POGLUT1: variants seen among roughly 807,000 people sequenced by gnomAD.
POGLUT1 encodes the protein protein O-glucosyltransferase 1, also known as 9630046K23Rik.
In POGLUT1, 32 loss-of-function variants were observed where a neutral mutation model predicts 61.3. The observed-to-expected ratio is 0.52, with a 90% CI of 0.39 to 0.70. The LOEUF is 0.70. Ranked by LOEUF, POGLUT1 falls within the 30% of genes least tolerant of loss-of-function variation. POGLUT1 has a pLI of 0.00. For missense variants in POGLUT1, 411 were observed against 469.8 expected (o/e 0.87, Z 1.16); for synonymous variants, 158 against 158.2 (o/e 1.00, Z 0.01).
At chr3:119,480,601 T>C (rs1241872976) in intron 5 of POGLUT1, among the ~76,000 whole-genome samples, 1 of 152,086 alleles carries the variant, frequency 6.6e-6, no homozygotes, top group Non-Finnish European at 1.5e-5. Context: ...CAGAAAACTG[T>C]AGTGTAAACA....
In POGLUT1 at chr3:119,493,952, C is replaced by A. The variant is rs1461234373; in HGVS notation, c.*1514C>A. Reference sequence around the variant, plus strand: ...ACTGTGAGGCCCTACTAGGTGTAAGCATTCTCTCTGAATTTTAATTTCCTC... The same window carrying A: ...ACTGTGAGGCCCTACTAGGTGTAAGAATTCTCTCTGAATTTTAATTTCCTC... On this transcript the variant is annotated 3_prime_UTR_variant, in exon 11 of 11. Transcript: ENST00000295588. The A allele has an allele frequency of 6.6e-6, 1 of 151,990 alleles. No individual in the cohort carries two copies. The highest frequency in any genetic ancestry group is 1.5e-5 in the Non-Finnish European group (1 of 67,996). The allele number at this position is 151,990 out of a possible 1,614,324, so 9.4% of individuals were successfully genotyped here. A position where few individuals can be genotyped will look rare whatever the true frequency, so the allele number is the denominator to read the frequency against.
chr3:119,482,417 C>T (rs2081615646), intron 5 of POGLUT1, among the ~76,000 whole-genome samples: 1 of 151,940 alleles, frequency 6.6e-6, no homozygotes. Flanking sequence ...TTTTAAAAGG[C>T]AGGATCTCAC....
intron 10 of POGLUT1, among the ~76,000 whole-genome samples, 175 bp downstream of exon 10, chr3:119,491,749 T>G (rs2081748752): frequency 6.6e-6 from 1 of 152,184 alleles, no homozygotes; most frequent in African/African-American, 2.4e-5. Flanking sequence ...TGTCTACATA[T>G]GCTTGTTTTA....
rs1398138402 is a variant in POGLUT1 at position 119,480,056 on chromosome 3, A to C, written c.462A>C (p.Ser154=). The C allele has an allele frequency of 6.2e-7, 1 of 1,613,752 alleles. No individual in the cohort carries two copies. The highest frequency in any genetic ancestry group is 1.1e-5 in the South Asian group (1 of 91,032). Residue 154 remains serine (S), a synonymous_variant, in exon 5 of 11, where the codon TCA becomes TCC. Coordinates refer to ENST00000295588, the MANE Select transcript of POGLUT1 (RefSeq NM_152305.3). The part of the protein sequence containing the change: ...AIPVFSFSKT[S]EYHDIMYPAW... ...CCTGTCTGTTTTTGTTGAAGACATC[A>C]GAGTACCATGATATCATGTATCCTG...
chr3:119,480,298 G>C (rs1212493579), intron 5 of POGLUT1, 126 bp downstream of exon 5: 6 of 648,604 alleles, frequency 9.3e-6, no homozygotes, highest in Non-Finnish European at 1.4e-5. Flanking sequence ...GCCCAGGCTA[G>C]AGTGCAATGG....
chr3:119,485,199 A>G (rs913053123), intron 5 of POGLUT1, 129 bp from the exon 6 acceptor site: 1 of 562,072 alleles, frequency 1.8e-6, no homozygotes, highest in Non-Finnish European at 3.1e-6. Flanking sequence ...CCTGGACGAC[A>G]GTGCGAGACT....
At chr3:119,475,584 A>G (rs4687860) in intron 3 of POGLUT1, among the ~76,000 whole-genome samples, 112,235 of 152,010 alleles carry the variant, frequency 0.74, 41,541 homozygotes, top group East Asian at 0.86. Context: ...TGGCTGAGAC[A>G]GGCAGATCAT....
chr3:119,469,180 C>A, intron 1 of POGLUT1, 74 bp downstream of exon 1: 2 of 1,209,148 alleles, frequency 1.7e-6, no homozygotes, highest in Non-Finnish European at 2.4e-6. Context: ...CTCCCCCGCG[C>A]GGCCGGCTCC....
intron 4 of POGLUT1, 146 bp from the exon 5 acceptor site, chr3:119,479,905 C>T: frequency 6.6e-7 from 1 of 1,520,928 alleles, no homozygotes; most frequent in South Asian, 1.2e-5. Context: ...TTAATGTCTA[C>T]AGGCTAGACT....
intron 5 of POGLUT1, among the ~76,000 whole-genome samples, chr3:119,482,694 C>G (rs1441917815): frequency 1.3e-5 from 2 of 152,064 alleles, no homozygotes; most frequent in East Asian, 3.8e-4. Flanking sequence ...CATTTGTTAC[C>G]TTGAAAATTT....
intron 7 of POGLUT1, chr3:119,488,644 T>C (rs2081701818): frequency 4.2e-6 from 1 of 236,962 alleles, no homozygotes; most frequent in African/African-American, 2.2e-5. Flanking sequence ...ACATCTGAAT[T>C]CAAAGGAGGG....
At chr3:119,472,039 A>G (rs1202192064) in intron 3 of POGLUT1, among the ~76,000 whole-genome samples, 2 of 152,200 alleles carry the variant, frequency 1.3e-5, no homozygotes, top group African/African-American at 4.8e-5. Context: ...TAGTGCTGCA[A>G]ATTACACTAG....
intron 3 of POGLUT1, chr3:119,471,664 ACT>A: frequency 5.8e-6 from 3 of 518,012 alleles, no homozygotes; most frequent in Non-Finnish European, 1.0e-5. Flanking sequence ...TTGGTTCATC[ACT>A]GGTTGTACTG....
rs1178327479 is a variant in POGLUT1 at position 119,477,297 on chromosome 3, T to C, written c.321-16T>C. ...AGGCACTACTCTGCTGAATTTATGGTATGTCTGGTTGACAGGTGTAGTGGT... is the reference window on the plus strand; with the variant it reads ...AGGCACTACTCTGCTGAATTTATGGCATGTCTGGTTGACAGGTGTAGTGGT... On this transcript the variant is annotated splice_polypyrimidine_tract_variant and intron_variant, in intron 3 of 10. Coordinates refer to ENST00000295588, the MANE Select transcript of POGLUT1 (RefSeq NM_152305.3). 4.3e-6 allele frequency: 7 copies of C among 1,613,456 alleles called. No individual in the cohort carries two copies. Among genetic ancestry groups the C allele is most frequent in the Non-Finnish European group, 5.9e-6 (7 of 1,179,658 alleles).
chr3:119,480,143 G>A lies in POGLUT1; in HGVS notation c.549G>A (p.Arg183=). The change falls in exon 5 of 11, where the codon CGG becomes CGA. Residue 183 remains arginine, a synonymous_variant. Coordinates refer to ENST00000295588, the MANE Select transcript of POGLUT1 (RefSeq NM_152305.3). Reference sequence around the variant, plus strand: ...CAATTTATCCTACAGGTCTTGGACGGTGGGACCTCTTCAGAGAAGATCTGG... The same window carrying A: ...CAATTTATCCTACAGGTCTTGGACGATGGGACCTCTTCAGAGAAGATCTGG... The part of the protein sequence containing the change: ...VWPIYPTGLG[R]WDLFREDLVR... 1 of 1,605,428 alleles carries A rather than the reference G, an allele frequency of 6.2e-7. No individual in the cohort carries two copies. Among genetic ancestry groups the A allele is most frequent in the South Asian group, 1.1e-5 (1 of 89,580 alleles).
rs1179034360 is a variant in POGLUT1, at chr3:119,471,419, T to C, written c.287T>C (p.Leu96Pro). Residue 96 changes from leucine to proline, a missense_variant, in exon 3 of 11, where the codon CTG becomes CCG. Physicochemically the swap from Leu to Pro is moderately conservative, Grantham distance 98. Transcript: ENST00000295588. ...CACTATCAGATCACTAAGAACAGAC[T>C]GTACCGGGAAAATGACTGCATGTTC... Reference protein sequence around the residue: ...GTHYQITKNRLYRENDCMFPS... With the variant: ...GTHYQITKNRPYRENDCMFPS... 4 of 1,613,982 alleles carry C rather than the reference T, an allele frequency of 2.5e-6. No individual in the cohort carries two copies. The highest frequency in any genetic ancestry group is 1.7e-5 in the Admixed American group (1 of 60,004).
chr3:119,490,988 G>A (rs1416158591), intron 9 of POGLUT1, among the ~76,000 whole-genome samples: 1 of 151,826 alleles, frequency 6.6e-6, no homozygotes, highest in Non-Finnish European at 1.5e-5. Flanking sequence ...ATCTCTCCAA[G>A]ACTAAAGATA....
chr3:119,478,905 G>A (rs73187880), intron 4 of POGLUT1, among the ~76,000 whole-genome samples: 8,641 of 26,270 alleles, frequency 0.33, 783 homozygotes, highest in African/African-American at 0.46. Flanking sequence ...AAAAAAAAAA[G>A]GGGGGAACAT....
Position 119,490,713 on chromosome 3 carries a change from T to C in POGLUT1, c.960T>C (p.Asn320=). 6.2e-7 allele frequency: 1 copy of C among 1,613,612 alleles called. No homozygotes were observed. Among genetic ancestry groups the C allele is most frequent in the South Asian group, 1.1e-5 (1 of 91,072 alleles). The part of the protein sequence containing the change: ...HYIPVKTDLS[N]VQELLQFVKA... ...TCCCAGTCAAAACAGATCTCTCCAATGTCCAGTAAGCAGTTATCCCCCAAT... is the reference window on the plus strand; with the variant it reads ...TCCCAGTCAAAACAGATCTCTCCAACGTCCAGTAAGCAGTTATCCCCCAAT... Residue 320 remains asparagine, a synonymous_variant, in exon 9 of 11, where the codon AAT becomes AAC. Transcript: ENST00000295588.
Sources: allele counts gnomAD v4.1 joint callset (sites outside exome capture counted in the v4.1 genomes callset), GRCh38; gene constraint gnomAD v4.1.1; transcripts MANE v1.5; gene names NCBI Gene and HGNC (gene_info 2026-07-23, HGNC 2026-07-21).